ATP9B: variants seen among roughly 807,000 people sequenced by gnomAD.
The protein encoded by ATP9B is probable phospholipid-transporting ATPase IIB.
In ATP9B, 110 loss-of-function variants were observed where a neutral mutation model predicts 146.1. That is an observed-to-expected ratio of 0.75 (90% CI 0.65 to 0.88). The LOEUF is 0.88. Ranked by LOEUF, ATP9B falls within the 40% of genes least tolerant of loss-of-function variation. ATP9B has a pLI of 0.00. For missense variants in ATP9B, 1,499 were observed against 1,496.4 expected, an observed-to-expected ratio of 1.00 and a Z score of -0.03; for synonymous variants, 604 against 569.7, an observed-to-expected ratio of 1.06 and a Z score of -0.86.
intron 11 of ATP9B, among the ~76,000 whole-genome samples, chr18:79,218,103 C>T (rs896551698): frequency 2.6e-5 from 4 of 152,226 alleles, no homozygotes; most frequent in Admixed American, 1.3e-4. Flanking sequence ...GCTTCCCCAG[C>T]GTTGTGTTTC....
intron 11 of ATP9B, among the ~76,000 whole-genome samples, chr18:79,233,831 A>G (rs1599131226): frequency 6.6e-6 from 1 of 152,356 alleles, no homozygotes; most frequent in African/African-American, 2.4e-5. Flanking sequence ...ATTCACCCAC[A>G]TTTTGTATGT....
chr18:79,364,132 G>C (rs1181065048), intron 26 of ATP9B: 1 of 152,118 alleles, frequency 6.6e-6, no homozygotes, highest in Non-Finnish European at 1.5e-5. Context: ...TGTGCATGGT[G>C]GCGCGCACCT....
intron 12 of ATP9B, among the ~76,000 whole-genome samples, chr18:79,263,920 T>TA (rs2096172749): frequency 1.3e-5 from 2 of 151,992 alleles, no homozygotes; most frequent in Non-Finnish European, 2.9e-5. Flanking sequence ...CTGTCTCTAC[T>TA]AAAAAATACA....
Position 79,329,260 on chromosome 18 carries a change from T to G in ATP9B, c.1893T>G (p.Phe631Leu), listed in dbSNP as rs2096777409. 5 of 1,612,298 alleles carry G rather than the reference T, an allele frequency of 3.1e-6. No homozygotes were observed. In the South Asian group the frequency reaches 3.3e-5, roughly 11 times the overall value. ...QVLSFCILQL[F>L]PFTSESKRMG... is the part of the protein sequence containing the mutation. Reference sequence around the variant, plus strand: ...TCAGCTTCTGCATTCTGCAGCTGTTTCCCTTCACCTCCGAGAGCAAGCGGA... The same window carrying G: ...TCAGCTTCTGCATTCTGCAGCTGTTGCCCTTCACCTCCGAGAGCAAGCGGA... The change falls in exon 16 of 30, where the codon TTT becomes TTG. Residue 631 changes from phenylalanine (F) to leucine (L), a missense_variant. By Grantham distance (22) the Phe-to-Leu change is conservative. Coordinates refer to ENST00000426216, the MANE Select transcript of ATP9B (RefSeq NM_198531.5).
At chr18:79,075,186 C>A (rs2072458539) in intron 1 of ATP9B, among the ~76,000 whole-genome samples, 1 of 152,060 alleles carries the variant, frequency 6.6e-6, no homozygotes, top group African/African-American at 2.4e-5. Flanking sequence ...ACGCCATTCT[C>A]CTGCCTCAGC....
chr18:79,083,593 G>A (rs960664781), intron 1 of ATP9B, among the ~76,000 whole-genome samples: 1 of 152,166 alleles, frequency 6.6e-6, no homozygotes, highest in African/African-American at 2.4e-5. Context: ...GAAGTGCGTA[G>A]TATCTGGGCC....
rs1232715536 is a variant in ATP9B, at chr18:79,079,414, T to C, written c.119+9885T>C. On this transcript the variant is annotated intron_variant, in intron 1 of 29. Transcript: ENST00000426216. ...GATTTGCATTTCTCTGATGAGCTTTTCTTCATATGTTTGTCGGCCGCATAA... is the reference window on the plus strand; with the variant it reads ...GATTTGCATTTCTCTGATGAGCTTTCCTTCATATGTTTGTCGGCCGCATAA... Among the ~76,000 whole-genome samples the C allele has an allele frequency of 2.0e-5, 3 of 151,966 alleles. No homozygotes were observed. The East Asian group carries it at 5.8e-4, about 29-fold the overall frequency.
intron 19 of ATP9B, among the ~76,000 whole-genome samples, chr18:79,339,750 G>A (rs1209921825): frequency 2.0e-5 from 3 of 151,828 alleles, no homozygotes; most frequent in Non-Finnish European, 4.4e-5. Flanking sequence ...AGTGTGTCAT[G>A]AGGCTGTATC....
chr18:79,146,720 T>C, intron 6 of ATP9B: 1 of 185,402 alleles, frequency 5.4e-6, no homozygotes, highest in Non-Finnish European at 1.1e-5. Flanking sequence ...GCAGGACACC[T>C]GTGTCTGTGT....
At chr18:79,120,005 T>A (rs1388572170) in intron 4 of ATP9B, among the ~76,000 whole-genome samples, 1 of 152,176 alleles carries the variant, frequency 6.6e-6, no homozygotes, top group East Asian at 1.9e-4. Flanking sequence ...AGAAATCTCT[T>A]TAAAGGAAAC....
intron 10 of ATP9B, among the ~76,000 whole-genome samples, chr18:79,212,994 T>C (rs556769106): frequency 6.6e-6 from 1 of 152,292 alleles, no homozygotes; most frequent in Admixed American, 6.5e-5. Context: ...ATGTATAATA[T>C]GTAACATATC....
intron 9 of ATP9B, among the ~76,000 whole-genome samples, chr18:79,195,169 C>A (rs1383290497): frequency 1.3e-5 from 2 of 152,146 alleles, no homozygotes; most frequent in Non-Finnish European, 2.9e-5. Flanking sequence ...GAAGAAGGGA[C>A]TCTTGGACTA....
intron 15 of ATP9B, among the ~76,000 whole-genome samples, chr18:79,309,374 A>C (rs1198469392): frequency 7.1e-6 from 1 of 140,260 alleles, no homozygotes; most frequent in African/African-American, 2.8e-5. Context: ...AGTGATCCCC[A>C]GCAGGTAGAA....
intron 8 of ATP9B, 135 bp from the exon 9 acceptor site, chr18:79,193,048 A>G: frequency 4.3e-6 from 3 of 694,238 alleles, no homozygotes; most frequent in South Asian, 2.1e-5. Context: ...TAGTGTTGGC[A>G]CACAAAAATC....
intron 4 of ATP9B, among the ~76,000 whole-genome samples, chr18:79,113,617 G>A (rs187749636): frequency 6.6e-6 from 1 of 152,276 alleles, no homozygotes; most frequent in East Asian, 1.9e-4. Flanking sequence ...TGGTCATTCT[G>A]CACCTGTGTT....
intron 1 of ATP9B, among the ~76,000 whole-genome samples, chr18:79,091,821 A>C (rs2074345205): frequency 6.6e-6 from 1 of 152,184 alleles, no homozygotes; most frequent in Non-Finnish European, 1.5e-5. Flanking sequence ...GTCGAGTAAC[A>C]GTGGTGACAG....
intron 1 of ATP9B, among the ~76,000 whole-genome samples, chr18:79,079,100 T>A (rs1277525175): frequency 6.6e-6 from 1 of 152,206 alleles, no homozygotes; most frequent in African/African-American, 2.4e-5. Flanking sequence ...TTTGCTATTG[T>A]GAGTAGTGCT....
intron 14 of ATP9B, 73 bp from the exon 15 acceptor site, chr18:79,306,913 G>A: frequency 6.6e-7 from 1 of 1,522,824 alleles, no homozygotes; most frequent in South Asian, 1.2e-5. Flanking sequence ...AATCATATAT[G>A]TTAATAATTC....
rs2096881436 is a variant in ATP9B, at chr18:79,345,544, G to A, written c.2589G>A (p.Gln863=). The change falls in exon 22 of 30, where the codon CAG becomes CAA. Residue 863 remains glutamine (Q), a synonymous_variant. Transcript: ENST00000426216. ...CCCGCATTGTGACACTGCTGCAGCA[G>A]CACACAGGGAGACGCACCTGCGCCA... ...QKARIVTLLQ[Q]HTGRRTCAIG... 1.9e-6 allele frequency: 3 copies of A among 1,610,630 alleles called. No homozygotes were observed.
Sources: gnomAD v4.1 joint callset for allele counts (sites outside exome capture counted in the v4.1 genomes callset) on GRCh38, gnomAD v4.1.1 for gene constraint, MANE v1.5 for transcripts, NCBI Gene and HGNC (gene_info 2026-07-23, HGNC 2026-07-21) for gene names.